HIRA: variants seen among roughly 807,000 people sequenced by gnomAD.
HIRA encodes the protein protein HIRA.
A neutral mutation model predicts 126.6 loss-of-function variants in HIRA; 13 were observed. The observed-to-expected ratio is 0.10, with a 90% CI of 0.07 to 0.16. The LOEUF (loss-of-function observed/expected upper bound fraction) is 0.16. Among genes scored for constraint, HIRA ranks in the 10% least tolerant of loss-of-function variants. The probability of loss-of-function intolerance (pLI) is 1.00; values close to 1 mark genes in which losing one functional copy is unlikely to be tolerated. For missense variants in HIRA, 834 were observed against 1,314.4 expected (o/e 0.63, Z 5.65); for synonymous variants, 511 against 520.0 (o/e 0.98, Z 0.24).
chr22:19,425,043 C>T (rs1282220035), intron 1 of HIRA, among the ~76,000 whole-genome samples: 1 of 152,146 alleles, frequency 6.6e-6, no homozygotes, highest in Non-Finnish European at 1.5e-5. Context: ...ACGTCCCCTC[C>T]TAGTCTCAAG....
chr22:19,342,002 G>C (rs1456533618), intron 24 of HIRA, among the ~76,000 whole-genome samples: 4 of 152,130 alleles, frequency 2.6e-5, no homozygotes, highest in Non-Finnish European at 5.9e-5. Context: ...ATAATCAGCA[G>C]AGTAAACAGA....
At position 19,431,497 on chromosome 22, in the gene HIRA, C is replaced by T. The variant is rs1271598131; in HGVS notation, c.-21G>A. ...TTCATTGTTCGGCCGCCGCCGCCGC[C>T]GGGCTGAGGCGAGCGCCGGGTCCCT... On this transcript the variant is annotated 5_prime_UTR_variant, in exon 1 of 25. Coordinates refer to ENST00000263208, the MANE Select transcript of HIRA (RefSeq NM_003325.4). 2 of 1,584,880 alleles carry T rather than the reference C, an allele frequency of 1.3e-6. No individual in the cohort carries two copies. Among genetic ancestry groups the T allele is most frequent in the South Asian group, 2.2e-5 (2 of 90,308 alleles).
At chr22:19,352,426 C>A (rs944773567) in intron 23 of HIRA, among the ~76,000 whole-genome samples, 1 of 152,020 alleles carries the variant, frequency 6.6e-6, no homozygotes, top group Non-Finnish European at 1.5e-5. Context: ...AAGCTGGGGA[C>A]CACACATAAT....
chr22:19,369,931 A>AAAACAAAC (rs371707260), intron 15 of HIRA, among the ~76,000 whole-genome samples: 2 of 152,172 alleles, frequency 1.3e-5, no homozygotes, highest in East Asian at 1.9e-4. Context: ...TCTGTCTCAA[A>AAAACAAAC]AAACAAACAA....
At chr22:19,362,576 T>G in intron 15 of HIRA, among the ~76,000 whole-genome samples, 1 of 152,118 alleles carries the variant, frequency 6.6e-6, no homozygotes, top group Non-Finnish European at 1.5e-5. Context: ...ATTTTTTTTT[T>G]GGAGATGGAT....
At chr22:19,427,087 G>T (rs2089494252) in intron 1 of HIRA, among the ~76,000 whole-genome samples, 1 of 152,112 alleles carries the variant, frequency 6.6e-6, no homozygotes, top group African/African-American at 2.4e-5. Context: ...TTCAGAGCGG[G>T]GTTTCTCACC....
intron 5 of HIRA, among the ~76,000 whole-genome samples, chr22:19,403,101 C>CAAAAAAAAA (rs199777922): frequency 1.4e-5 from 1 of 70,652 alleles, no homozygotes; most frequent in African/African-American, 3.9e-5. Flanking sequence ...GACACAGTCT[C>CAAAAAAAAA]AAAAAAAAAA....
Position 19,408,573 on chromosome 22 carries a change from C to A in HIRA, c.121G>T (p.Val41Leu). 6.2e-7 allele frequency: 1 copy of A among 1,612,108 alleles called. No homozygotes were observed. Among genetic ancestry groups the A allele is most frequent in the South Asian group, 1.1e-5 (1 of 91,048 alleles). ...AGGACTGGAGACATATTCCAGATCACAACCTTCCCAGAATCCTGCCCTGGA... is the reference window on the plus strand; with the variant it reads ...AGGACTGGAGACATATTCCAGATCAAAACCTTCCCAGAATCCTGCCCTGGA... ...GGQGQDSGKV[V>L]IWNMSPVLQE... The change falls in exon 3 of 25, where the codon GTG (valine) becomes TTG (leucine). Residue 41 changes from valine (V) to leucine (L), a missense_variant. Physicochemically the swap from Val to Leu is conservative, Grantham distance 32. Coordinates refer to ENST00000263208, the MANE Select transcript of HIRA (RefSeq NM_003325.4).
In HIRA at chr22:19,331,399, G is replaced by A. The variant is rs377032329; in HGVS notation, c.*41C>T. On this transcript the variant is annotated 3_prime_UTR_variant, in exon 25 of 25. Coordinates refer to ENST00000263208, the MANE Select transcript of HIRA (RefSeq NM_003325.4). ...CCTGCATGTCATCAGCGGCGAGAGT[G>A]TGGCCCTGCCCTTGCTGCAGCCAGG... is the stretch of plus-strand genomic sequence containing the variant. 1.2e-4 allele frequency: 188 copies of A among 1,612,546 alleles called. No homozygotes were observed. Among genetic ancestry groups the A allele is most frequent in the Non-Finnish European group, 1.4e-4 (167 of 1,179,870 alleles).
chr22:19,385,988 A>C (rs983256406), intron 11 of HIRA, among the ~76,000 whole-genome samples: 3 of 152,226 alleles, frequency 2.0e-5, no homozygotes. Flanking sequence ...TGAGACAGCC[A>C]ACAAGACAAC....
At chr22:19,397,290 G>A (rs928219646) in intron 6 of HIRA, among the ~76,000 whole-genome samples, 2 of 152,204 alleles carry the variant, frequency 1.3e-5, no homozygotes, top group Non-Finnish European at 2.9e-5. Flanking sequence ...AGGCCTACTA[G>A]CTCAAAGGGC....
intron 8 of HIRA, among the ~76,000 whole-genome samples, chr22:19,394,103 C>T (rs1298850114): frequency 6.6e-6 from 1 of 152,162 alleles, no homozygotes; most frequent in African/African-American, 2.4e-5. Flanking sequence ...TGGCACCGTG[C>T]TTGGGCACCC....
rs777914879 is a variant in HIRA, at chr22:19,423,482, T to TACACACAC, written c.37+7950_37+7957dup. The stretch of plus-strand genomic sequence containing the variant: ...ACACACACTGACTCACACACATGCA[T>TACACACAC]ACACACACACACACACACACACACA... On this transcript the variant is annotated intron_variant, in intron 1 of 24. Transcript: ENST00000263208. 5.8e-3 allele frequency among the ~76,000 whole-genome samples: 650 copies of TACACACAC among 111,260 alleles called. 2 individuals are homozygous for TACACACAC. Among genetic ancestry groups the TACACACAC allele is most frequent in the African/African-American group, 0.018 (511 of 28,472 alleles). The allele number at this position is 111,260 out of a possible 152,430, so 73.0% of individuals were successfully genotyped here. A position where few individuals can be genotyped will look rare whatever the true frequency, so the allele number is the denominator to read the frequency against.
At chr22:19,404,071 C>T (rs2089289977) in intron 5 of HIRA, among the ~76,000 whole-genome samples, 1 of 152,150 alleles carries the variant, frequency 6.6e-6, no homozygotes, top group African/African-American at 2.4e-5. Context: ...GATCTTTAAA[C>T]TCTAATTTTG....
Position 19,355,852 on chromosome 22 carries a change from C to A in HIRA, c.2469G>T (p.Thr823=), listed in dbSNP as rs1245309745. 3 of 1,611,476 alleles carry A rather than the reference C, an allele frequency of 1.9e-6. No individual in the cohort carries two copies. The highest frequency in any genetic ancestry group is 2.5e-6 in the Non-Finnish European group (3 of 1,177,688). ...GCTGCGTCAGCAAGATCTGTGATAC[C>A]GTCATATCACTTCCTGAGGACAGCA... The part of the protein sequence containing the change: ...LHSILAGSDM[T]VSQILLTQHG... Residue 823 remains threonine (T), a synonymous_variant, in exon 21 of 25, where the codon ACG becomes ACT. Transcript: ENST00000263208.
intron 3 of HIRA, among the ~76,000 whole-genome samples, chr22:19,407,486 A>G (rs558459343): frequency 5.3e-5 from 8 of 152,336 alleles, no homozygotes; most frequent in Non-Finnish European, 1.0e-4. Flanking sequence ...CTGGAGGGGG[A>G]AAAATATACA....
At chr22:19,334,464 A>G (rs2088539240) in intron 24 of HIRA, among the ~76,000 whole-genome samples, 1 of 150,712 alleles carries the variant, frequency 6.6e-6, no homozygotes, top group Non-Finnish European at 1.5e-5. Flanking sequence ...CAGTCTGGCC[A>G]ACATGGCGAA....
intron 1 of HIRA, among the ~76,000 whole-genome samples, chr22:19,419,265 G>C (rs1393336485): frequency 6.6e-6 from 1 of 152,172 alleles, no homozygotes. Flanking sequence ...GTTAAGGCCA[G>C]ACCTTGAGAG....
Position 19,351,845 on chromosome 22 carries a change from C to G in HIRA, c.2849-399G>C, listed in dbSNP as rs889207179. Among the ~76,000 whole-genome samples the G allele has an allele frequency of 6.6e-6, 1 of 151,968 alleles. No individual in the cohort carries two copies. The highest frequency in any genetic ancestry group is 2.4e-5 in the African/African-American group (1 of 41,358). On this transcript the variant is annotated intron_variant, in intron 23 of 24. Transcript: ENST00000263208. The surrounding 1 kb of genome is among the most constrained non-coding windows in gnomAD (Gnocchi z 4.8). The stretch of plus-strand genomic sequence containing the variant: ...TTGAGGGGAGGTCAGGAGGGTGGGA[C>G]GGCCAGCCCGCAGGAGGTAAGAGAT...
Sources: allele counts gnomAD v4.1 joint callset (sites outside exome capture counted in the v4.1 genomes callset), GRCh38; gene constraint gnomAD v4.1.1; non-coding constraint Gnocchi (gnomAD v3.1); transcripts MANE v1.5; gene names NCBI Gene and HGNC (gene_info 2026-07-23, HGNC 2026-07-21).